Variants in CELF2 observed in about 807,000 individuals in gnomAD.
CELF2 encodes the protein CUG triplet repeat RNA-binding protein 2.
A neutral mutation model predicts 62.6 loss-of-function variants in CELF2; 8 were observed. The ratio of observed to expected loss-of-function variants is 0.13; its 90% CI spans 0.07 to 0.23. The LOEUF (loss-of-function observed/expected upper bound fraction) is 0.23. Among genes scored for constraint, CELF2 ranks in the 10% least tolerant of loss-of-function variants. The pLI is 1.00. For synonymous variants in CELF2, 258 were observed against 250.0 expected (o/e 1.03, Z -0.30); for missense variants, 333 against 671.0 (o/e 0.50, Z 5.56).
chr10:10,708,136 G>C, the CELF2 span, among the ~76,000 whole-genome samples: 29 of 152,100 alleles, frequency 1.9e-4, no homozygotes, highest in African/African-American at 6.8e-4. Flanking sequence ...AATTCAAAGG[G>C]CGTAAAAGAA....
At chr10:10,988,396 AAGTGAAGTAACTC>A (rs2053054753) in intron 2 of CELF2, among the ~76,000 whole-genome samples, 1 of 152,058 alleles carries the variant, frequency 6.6e-6, no homozygotes, top group Admixed American at 6.6e-5. Context: ...CCATTATTCT[AAGTGAAGTAACTC>A]AGGAATGGAA....
At chr10:10,782,743 C>T in the CELF2 span, among the ~76,000 whole-genome samples, 21 of 152,212 alleles carry the variant, frequency 1.4e-4, no homozygotes, top group Non-Finnish European at 2.9e-4. Context: ...CCTTCCTTTG[C>T]TCTCTTGTGA....
At chr10:10,941,578 G>A (rs748626042) in intron 2 of CELF2, among the ~76,000 whole-genome samples, 1 of 152,210 alleles carries the variant, frequency 6.6e-6, no homozygotes, top group East Asian at 1.9e-4. Flanking sequence ...AAATCAGCTA[G>A]AGAAAACAAC....
At chr10:10,952,084 G>A (rs895285435) in intron 2 of CELF2, 1 of 152,280 alleles carries the variant, frequency 6.6e-6, no homozygotes, top group Non-Finnish European at 1.5e-5. Context: ...TGGCTACCCT[G>A]AGTCATTGAC....
the CELF2 span, among the ~76,000 whole-genome samples, chr10:10,591,651 T>C: frequency 1.3e-5 from 2 of 152,206 alleles, no homozygotes; most frequent in East Asian, 3.8e-4. Context: ...TTGATCTGTT[T>C]CCCTTCTCTG....
chr10:11,319,119 C>T lies in CELF2; in HGVS notation c.1097-2070C>T, dbSNP rs2095272494. On this transcript the variant is annotated intron_variant, in intron 10 of 12. Transcript: ENST00000633077. The surrounding 1 kb of genome is among the most constrained non-coding windows in gnomAD (Gnocchi z 4.4). Reference sequence around the variant, plus strand: ...CAGAGCGGCGAGTCGCCGCTCCTCTCCCGCCAGAATTTCCTCCACACGGGC... The same window carrying T: ...CAGAGCGGCGAGTCGCCGCTCCTCTTCCGCCAGAATTTCCTCCACACGGGC... 1 of 470,276 alleles carries T rather than the reference C, an allele frequency of 2.1e-6. No individual in the cohort carries two copies. The highest frequency in any genetic ancestry group is 4.4e-6 in the Non-Finnish European group (1 of 227,052). The allele number at this position is 470,276 out of a possible 1,614,324, so 29.1% of individuals were successfully genotyped here. A position where few individuals can be genotyped will look rare whatever the true frequency, so the allele number is the denominator to read the frequency against.
intron 1 of CELF2, among the ~76,000 whole-genome samples, chr10:10,910,267 C>T (rs2063695901): frequency 6.6e-6 from 1 of 152,088 alleles, no homozygotes; most frequent in Non-Finnish European, 1.5e-5. Context: ...CAGCTTAGAG[C>T]ACAATAATTC....
At chr10:11,262,086 G>T (rs1216276059) in intron 5 of CELF2, among the ~76,000 whole-genome samples, 4 of 152,128 alleles carry the variant, frequency 2.6e-5, no homozygotes, top group Non-Finnish European at 5.9e-5. Context: ...GCCATTTAAG[G>T]TAACTTTCTG....
At chr10:11,299,214 C>T (rs558050726) in intron 9 of CELF2, among the ~76,000 whole-genome samples, 2 of 152,238 alleles carry the variant, frequency 1.3e-5, no homozygotes, top group African/African-American at 4.8e-5. Flanking sequence ...GCCTGAGGCC[C>T]CTGGGGAGTT....
the CELF2 span, among the ~76,000 whole-genome samples, chr10:10,588,617 T>C: frequency 4.6e-5 from 7 of 152,310 alleles, no homozygotes; most frequent in South Asian, 1.5e-3. Context: ...GGATTGTAGA[T>C]GACTCAAGTT....
At chr10:11,016,476 C>T (rs892183155), upstream of CELF2, among the ~76,000 whole-genome samples, 2 of 152,186 alleles carry the variant, frequency 1.3e-5, no homozygotes, top group Non-Finnish European at 2.9e-5. This position sits in a 1 kb window ranked among gnomAD's most constrained non-coding sequence, Gnocchi z 5.2. Flanking sequence ...TTGAATATCC[C>T]AGGTCTGATA....
intron 1 of CELF2, among the ~76,000 whole-genome samples, chr10:10,847,232 A>G (rs2059073668): frequency 6.6e-6 from 1 of 152,124 alleles, no homozygotes; most frequent in South Asian, 2.1e-4. Context: ...ACACACATCT[A>G]TAAACAAAAG....
the CELF2 span, among the ~76,000 whole-genome samples, chr10:10,556,246 T>C: frequency 1.8e-4 from 28 of 151,830 alleles, 2 homozygotes; most frequent in South Asian, 4.6e-3. Context: ...TGTGTTCTCA[T>C]TGTTCACTTC....
At chr10:10,511,055 G>A in the CELF2 span, among the ~76,000 whole-genome samples, 41 of 152,200 alleles carry the variant, frequency 2.7e-4, no homozygotes, top group Non-Finnish European at 1.9e-4. Flanking sequence ...AGTTCTGCAT[G>A]AGATGGAGTG....
chr10:10,625,721 C>G, the CELF2 span, among the ~76,000 whole-genome samples: 31 of 152,290 alleles, frequency 2.0e-4, no homozygotes, highest in South Asian at 6.2e-3. Context: ...CAATCCAGCT[C>G]TCCATTCACG....
rs141260316 is a variant in CELF2 at position 10,913,885 on chromosome 10, A to AG, written c.54-6078dup. Among the ~76,000 whole-genome samples the AG allele has an allele frequency of 6.3e-3, 176 of 27,862 alleles. 1 individual carries two copies. The highest frequency in any genetic ancestry group is 8.7e-3 in the African/African-American group (109 of 12,512). The allele number at this position is 27,862 out of a possible 152,430, so 18.3% of individuals were successfully genotyped here. On this transcript the variant is annotated intron_variant, in intron 1 of 13. Transcript: ENST00000636488. ...AAGGAAGGAAGGAAGGAAGGAAGGA[A>AG]GAAGGAAGGGAGGGAGGGAGGGACG...
At position 11,331,586 on chromosome 10, in the gene CELF2, G is replaced by GTATAAATCCCTAATAT. The variant is rs2096021531; in HGVS notation, c.*2535_*2550dup. 6.6e-6 allele frequency: 1 copy of GTATAAATCCCTAATAT among 150,620 alleles called. No individual in the cohort carries two copies. The highest frequency in any genetic ancestry group is 6.6e-5 in the Admixed American group (1 of 15,108). The allele number at this position is 150,620 out of a possible 1,614,324, so 9.3% of individuals were successfully genotyped here. A position where few individuals can be genotyped will look rare whatever the true frequency, so the allele number is the denominator to read the frequency against. On this transcript the variant is annotated 3_prime_UTR_variant, in exon 13 of 13. Coordinates refer to ENST00000633077, the MANE Select transcript of CELF2 (RefSeq NM_001326342.2). ...ACATGGGTATTTTATTATGTGTTTTGTATAAATCCCTAATATTTAAAAAAA... is the reference window on the plus strand; with the variant it reads ...ACATGGGTATTTTATTATGTGTTTTGTATAAATCCCTAATATTATAAATCCCTAATATTTAAAAAAA...
At chr10:10,867,134 T>C (rs1356315121) in intron 1 of CELF2, among the ~76,000 whole-genome samples, 1 of 152,200 alleles carries the variant, frequency 6.6e-6, no homozygotes, top group East Asian at 1.9e-4. Flanking sequence ...ACAAAGGCTC[T>C]GATTTATACT....
chr10:10,685,850 A>C, the CELF2 span, among the ~76,000 whole-genome samples: 1 of 152,208 alleles, frequency 6.6e-6, no homozygotes, highest in African/African-American at 2.4e-5. Context: ...GACATTTAGA[A>C]GGTGTCTAAT....
Sources: gnomAD v4.1 joint callset for allele counts (sites outside exome capture counted in the v4.1 genomes callset) on GRCh38, gnomAD v4.1.1 for gene constraint, Gnocchi (gnomAD v3.1) non-coding constraint, MANE v1.5 for transcripts, NCBI Gene and HGNC (gene_info 2026-07-23, HGNC 2026-07-21) for gene names.